The following PFKFB3 variants were observed in gnomAD, a reference collection of about 807,000 sequenced individuals.
PFKFB3 encodes the protein 6-phosphofructo-2-kinase/fructose-2,6-bisphosphatase 3.
A neutral mutation model predicts 68.0 loss-of-function variants in PFKFB3; 33 were observed. The observed-to-expected ratio is 0.49, with a 90% confidence interval of 0.37 to 0.65. The LOEUF is 0.65. PFKFB3 is among the 30% of genes least tolerant of loss of function. The pLI, the probability that PFKFB3 is intolerant of heterozygous loss-of-function variation, is 0.00. For missense variants in PFKFB3, 586 were observed against 712.2 expected, an observed-to-expected ratio of 0.82 and a Z score of 2.02; for synonymous variants, 315 against 288.2, an observed-to-expected ratio of 1.09 and a Z score of -0.94.
At chr10:6,264,720 C>G in the PFKFB3 span, among the ~76,000 whole-genome samples, 2 of 152,122 alleles carry the variant, frequency 1.3e-5, no homozygotes, top group East Asian at 1.9e-4. Flanking sequence ...TTCTGTTTCC[C>G]TCTTTCTTTT....
rs1343866463 is a variant in PFKFB3, at chr10:6,222,882, G to T, written c.1111G>T (p.Glu371Ter). 1.9e-6 allele frequency: 3 copies of T among 1,613,798 alleles called. No individual in the cohort carries two copies. Among genetic ancestry groups the T allele is most frequent in the Non-Finnish European group, 2.5e-6 (3 of 1,179,926 alleles). ...CTACCAGGACCTGGTCCAGCGCTTG[G>T]AGCCAGTGATCATGGAGCTGGAGCG... Reference protein sequence around the residue: ...ESYQDLVQRLEPVIMELERQE... With the variant: ...ESYQDLVQRL The change falls in exon 11 of 15, where the codon GAG (glutamate) becomes TAG (stop). Residue 371 changes from glutamate to a stop codon, truncating the protein, a stop_gained. Transcript: ENST00000379775. LOFTEE classifies it high-confidence loss of function.
chr10:6,205,779 A>ATTATTTAT (rs57825789), intron 1 of PFKFB3, among the ~76,000 whole-genome samples: 27,719 of 146,194 alleles, frequency 0.19, 3,314 homozygotes, highest in East Asian at 0.35. Flanking sequence ...CCTGAGGTTT[A>ATTATTTAT]TTATTTATTT....
chr10:6,215,143 G>C lies in PFKFB3; in HGVS notation c.203-78G>C. 1 of 1,274,866 alleles carries C rather than the reference G, an allele frequency of 7.8e-7. No individual in the cohort carries two copies. The highest frequency in any genetic ancestry group is 1.2e-5 in the South Asian group (1 of 82,126). The allele number at this position is 1,274,866 out of a possible 1,614,324, so 79.0% of individuals were successfully genotyped here. On this transcript the variant is annotated intron_variant, in intron 2 of 14. Coordinates refer to ENST00000379775, the MANE Select transcript of PFKFB3 (RefSeq NM_004566.4). This position sits in a 1 kb window ranked among gnomAD's most constrained non-coding sequence, Gnocchi z 4.3. The stretch of plus-strand genomic sequence containing the variant: ...GGTTGGCCTGGTGGCTCTTCCTTTG[G>C]TCGATCCTATGGTCCCGGTGTGAGC...
At chr10:6,217,227 C>T (rs201712189) in intron 6 of PFKFB3, 36 bp downstream of exon 6, 5 of 1,578,696 alleles carry the variant, frequency 3.2e-6, no homozygotes, top group African/African-American at 2.7e-5. Flanking sequence ...TCTGCGGCAG[C>T]GTAGACCACA....
chr10:6,306,892 G>A, the PFKFB3 span, among the ~76,000 whole-genome samples: 3 of 152,186 alleles, frequency 2.0e-5, no homozygotes, highest in Non-Finnish European at 2.9e-5. Flanking sequence ...TTAGTTTTAC[G>A]TATTAACTTC....
At chr10:6,196,128 CTTT>C (rs59491432) in intron 1 of PFKFB3, among the ~76,000 whole-genome samples, 1 of 140,828 alleles carries the variant, frequency 7.1e-6, no homozygotes, top group Non-Finnish European at 1.6e-5. Flanking sequence ...GTGAGCTTGC[CTTT>C]TTTTTTTTTT....
intron 1 of PFKFB3, among the ~76,000 whole-genome samples, chr10:6,180,601 A>C (rs889997555): frequency 4.1e-4 from 62 of 152,192 alleles, no homozygotes; most frequent in African/African-American, 1.5e-3. Context: ...AGTAGCTGAA[A>C]CTACAGGTGT....
intron 1 of PFKFB3, among the ~76,000 whole-genome samples, chr10:6,178,567 T>C (rs1331113845): frequency 7.4e-5 from 1 of 13,542 alleles, no homozygotes; most frequent in Non-Finnish European, 8.8e-4. Flanking sequence ...GCTGGAGAGC[T>C]TCCGGGATGG....
At chr10:6,236,938 C>T (rs1002045579), downstream of PFKFB3, among the ~76,000 whole-genome samples, 8 of 152,138 alleles carry the variant, frequency 5.3e-5, no homozygotes, top group African/African-American at 1.4e-4. Context: ...GGGCTGGGGC[C>T]GGAGAGGGGT....
At chr10:6,260,465 C>T in the PFKFB3 span, among the ~76,000 whole-genome samples, 1 of 150,776 alleles carries the variant, frequency 6.6e-6, no homozygotes. Flanking sequence ...ATCCAGAAGG[C>T]TCCTTCATGC....
chr10:6,200,082 T>G (rs1843289509), upstream of PFKFB3, among the ~76,000 whole-genome samples: 1 of 151,978 alleles, frequency 6.6e-6, no homozygotes, highest in Non-Finnish European at 1.5e-5. Flanking sequence ...CTAATTGGCT[T>G]TCTTCTTTGA....
rs1845473383 is a variant in PFKFB3 at position 6,228,076 on chromosome 10, C to A, written c.1515+1711C>A. The A allele has an allele frequency of 2.8e-6, 3 of 1,062,376 alleles. No homozygotes were observed. The highest frequency in any genetic ancestry group is 4.3e-6 in the Non-Finnish European group (3 of 692,054). The allele number at this position is 1,062,376 out of a possible 1,614,324, so 65.8% of individuals were successfully genotyped here. A position where few individuals can be genotyped will look rare whatever the true frequency, so the allele number is the denominator to read the frequency against. ...TTGGGAGGACAGTCCTTCAGGGTGG[C>A]CAGGTTCTTAGGGACGTCTGAAGCT... is the stretch of plus-strand genomic sequence containing the variant. On this transcript the variant is annotated intron_variant, in intron 14 of 14. Transcript: ENST00000379775. The surrounding 1 kb of genome is among the most constrained non-coding windows in gnomAD (Gnocchi z 4.5).
chr10:6,223,577 G>A (rs1186228873), intron 11 of PFKFB3, among the ~76,000 whole-genome samples: 1 of 152,176 alleles, frequency 6.6e-6, no homozygotes, highest in Non-Finnish European at 1.5e-5. Context: ...GAGGGTCCTT[G>A]TTGGGGGGAC....
intron 1 of PFKFB3, among the ~76,000 whole-genome samples, chr10:6,185,623 T>A (rs1033910212): frequency 6.8e-6 from 1 of 147,298 alleles, no homozygotes; most frequent in Non-Finnish European, 1.5e-5. Flanking sequence ...ACCAGATCAG[T>A]ACTTCCTCCC....
At chr10:6,294,107 C>A in the PFKFB3 span, 1 of 496,578 alleles carries the variant, frequency 2.0e-6, no homozygotes, top group South Asian at 1.5e-5. Context: ...CACCAGAAAC[C>A]ATGGTCATAT....
At chr10:6,279,951 A>T in the PFKFB3 span, among the ~76,000 whole-genome samples, 1 of 130,014 alleles carries the variant, frequency 7.7e-6, no homozygotes, top group Admixed American at 7.5e-5. Context: ...GAAGACTCAG[A>T]GCTTTGCAGG....
the PFKFB3 span, among the ~76,000 whole-genome samples, chr10:6,312,820 G>A: frequency 6.6e-6 from 1 of 152,194 alleles, no homozygotes; most frequent in Admixed American, 6.5e-5. Flanking sequence ...AGAGCAAGCC[G>A]TTAATAGTTC....
chr10:6,198,268 G>T, upstream of PFKFB3, among the ~76,000 whole-genome samples: 1 of 150,900 alleles, frequency 6.6e-6, no homozygotes, highest in Admixed American at 6.6e-5. Context: ...AAAAGAAAAA[G>T]AAAAGAAAAG....
At chr10:6,320,252 C>T in the PFKFB3 span, among the ~76,000 whole-genome samples, 1 of 152,024 alleles carries the variant, frequency 6.6e-6, no homozygotes, top group African/African-American at 2.4e-5. Flanking sequence ...AGAGACACAG[C>T]CTACAGTGGA....
Sources: allele counts gnomAD v4.1 joint callset (sites outside exome capture counted in the v4.1 genomes callset), GRCh38; gene constraint gnomAD v4.1.1; non-coding constraint Gnocchi (gnomAD v3.1); transcripts MANE v1.5; gene names NCBI Gene and HGNC (gene_info 2026-07-23, HGNC 2026-07-21).